The following FANCA variants were observed in gnomAD, a reference collection of about 807,000 sequenced individuals.
FANCA encodes the protein FA complementation group A.
Under a neutral mutation model 194.3 loss-of-function variants are expected in FANCA, and 236 were observed. The observed-to-expected ratio is 1.21, with a 90% CI of 1.09 to 1.35. FANCA has a LOEUF of 1.35. Ranked by LOEUF, FANCA falls within the 40% of genes most tolerant of loss-of-function variation. The probability of loss-of-function intolerance (pLI) is 0.00; values close to 1 mark genes in which losing one functional copy is unlikely to be tolerated. For missense variants in FANCA, 2,628 were observed against 1,813.9 expected (o/e 1.45, Z -8.15); for synonymous variants, 1,014 against 715.8 (o/e 1.42, Z -6.65).
intron 30 of FANCA, among the ~76,000 whole-genome samples, chr16:89,754,867 G>C (rs776236902): frequency 1.3e-5 from 2 of 152,174 alleles, no homozygotes; most frequent in East Asian, 3.8e-4. Flanking sequence ...CAGGGTCCCA[G>C]CTACTTTTGT....
chr16:89,796,270 G>A (rs1225796944), intron 10 of FANCA, among the ~76,000 whole-genome samples: 1 of 152,170 alleles, frequency 6.6e-6, no homozygotes. Flanking sequence ...GGTGGGGAAG[G>A]GCAGGCCGCG....
intron 11 of FANCA, among the ~76,000 whole-genome samples, chr16:89,795,462 C>A (rs1464041427): frequency 6.6e-6 from 1 of 151,980 alleles, no homozygotes; most frequent in South Asian, 2.1e-4. Flanking sequence ...CATGGTGAAA[C>A]CCAGTCTCTA....
At chr16:89,745,187 C>A in intron 35 of FANCA, 116 bp from the exon 36 acceptor site, 1 of 977,236 alleles carries the variant, frequency 1.0e-6, no homozygotes, top group Non-Finnish European at 1.6e-6. Flanking sequence ...CACACTCGCC[C>A]TGCGCTCTGG....
At chr16:89,805,255 A>G in intron 7 of FANCA, 25 bp downstream of exon 7, 1 of 1,577,754 alleles carries the variant, frequency 6.3e-7, no homozygotes, top group Non-Finnish European at 8.7e-7. Context: ...TTTACCCAAG[A>G]ACCCGCATCT....
intron 14 of FANCA, chr16:89,791,078 A>C (rs1221616718): frequency 9.6e-5 from 26 of 271,678 alleles, no homozygotes; most frequent in South Asian, 9.1e-4. Context: ...TATGGTGTCC[A>C]GGCTTGATTT....
rs758364302 is a variant in FANCA at position 89,752,271 on chromosome 16, T to G, written c.2982-49A>C. On this transcript the variant is annotated intron_variant, in intron 30 of 42. Transcript: ENST00000389301. Reference sequence around the variant, plus strand: ...CCTCCTCAGTATCGCCTAATAGTGCTGAAGTTCCCAGTTCTCCTCCTGCCT... The same window carrying G: ...CCTCCTCAGTATCGCCTAATAGTGCGGAAGTTCCCAGTTCTCCTCCTGCCT... 66 of 1,484,272 alleles carry G rather than the reference T, an allele frequency of 4.4e-5. No individual in the cohort carries two copies. In the South Asian group the frequency reaches 7.2e-4, roughly 16 times the overall value. The allele number at this position is 1,484,272 out of a possible 1,614,324, so 91.9% of individuals were successfully genotyped here.
Position 89,748,746 on chromosome 16 carries a change from C to CGAA in FANCA, c.3258_3260dup (p.Ser1088dup). The CGAA allele has an allele frequency of 6.2e-7, 1 of 1,613,962 alleles. No individual in the cohort carries two copies. The highest frequency in any genetic ancestry group is 1.6e-4 in the Middle Eastern group (1 of 6,062). On this transcript the variant is annotated inframe_insertion, in exon 33 of 43. Coordinates refer to ENST00000389301, the MANE Select transcript of FANCA (RefSeq NM_000135.4). ...GGAAGCTGCTGCCGCAGAGGACAGA[C>CGAA]GAAGGCAGGCGGAGGAGGATCCTGG...
At chr16:89,777,884 G>A (rs532433247) in intron 20 of FANCA, among the ~76,000 whole-genome samples, 5 of 152,032 alleles carry the variant, frequency 3.3e-5, no homozygotes, top group African/African-American at 4.8e-5. Context: ...TGATGCAGCC[G>A]GGTGCGGTAG....
In FANCA at chr16:89,790,141, C is replaced by A. The variant is rs1208109694; in HGVS notation, c.1359+1262G>T. ...GCAAGGCTGGGCACGGTGGCTCATGCCTGTAATCCCTGCACTTTGGGAGGC... is the reference window on the plus strand; with the variant it reads ...GCAAGGCTGGGCACGGTGGCTCATGACTGTAATCCCTGCACTTTGGGAGGC... On this transcript the variant is annotated intron_variant, in intron 14 of 42. Coordinates refer to ENST00000389301, the MANE Select transcript of FANCA (RefSeq NM_000135.4). 2.6e-5 allele frequency among the ~76,000 whole-genome samples: 4 copies of A among 152,320 alleles called. No individual in the cohort carries two copies. The East Asian group carries it at 5.8e-4, about 22-fold the overall frequency.
chr16:89,795,944 G>T lies in FANCA; in HGVS notation c.968C>A (p.Thr323Asn). ...GCTGTGAGTGAGTATCTGAGTCAGG[G>T]TATGACTGAAGAACCTCTTCAGAGG... ...TDPLKRFFSH[T>N]LTQILTHSPV... Residue 323 changes from threonine (T) to asparagine (N), a missense_variant, in exon 11 of 43, where the codon ACC becomes AAC. Thr to Asn is a moderately conservative substitution (Grantham distance 65). Transcript: ENST00000389301. The T allele has an allele frequency of 6.2e-7, 1 of 1,614,110 alleles. No individual in the cohort carries two copies. The highest frequency in any genetic ancestry group is 1.1e-5 in the South Asian group (1 of 91,088).
chr16:89,761,712 C>T (rs554779586), intron 29 of FANCA, among the ~76,000 whole-genome samples: 1 of 152,266 alleles, frequency 6.6e-6, no homozygotes, highest in East Asian at 1.9e-4. Flanking sequence ...GCAGCCTCTA[C>T]CTCCCAGGCT....
At chr16:89,739,653 T>G (rs980325952) in intron 39 of FANCA, 100 bp from the exon 40 acceptor site, 4 of 1,510,126 alleles carry the variant, frequency 2.6e-6, no homozygotes, top group Non-Finnish European at 1.8e-6. Context: ...CTGGGAGGCC[T>G]GGCTGTGGGG....
rs139944072 is a variant in FANCA at position 89,791,535 on chromosome 16, G to A, written c.1227C>T (p.Asp409=). The A allele has an allele frequency of 1.4e-5, 22 of 1,614,054 alleles. No individual in the cohort carries two copies. In the African/African-American group the frequency reaches 2.4e-4, roughly 18 times the overall value. The change falls in exon 14 of 43, where the codon GAC becomes GAT. Residue 409 remains aspartate (D), a splice_region_variant and synonymous_variant. Coordinates refer to ENST00000389301, the MANE Select transcript of FANCA (RefSeq NM_000135.4). ...CCTGGGCCATCAAACGCGCCACCCAGTCTAGTTAAGAACCATGACATAGTC... is the reference window on the plus strand; with the variant it reads ...CCTGGGCCATCAAACGCGCCACCCAATCTAGTTAAGAACCATGACATAGTC... ...CFPEAQQLLE[D]WVARLMAQAF...
At chr16:89,811,460 G>A (rs1387592631) in intron 3 of FANCA, among the ~76,000 whole-genome samples, 3 of 152,178 alleles carry the variant, frequency 2.0e-5, no homozygotes, top group South Asian at 2.1e-4. Context: ...AGATAAGCCT[G>A]CCCCTGTTGA....
At chr16:89,771,500 T>C (rs2039324185) in intron 23 of FANCA, among the ~76,000 whole-genome samples, 178 bp downstream of exon 23, 1 of 152,084 alleles carries the variant, frequency 6.6e-6, no homozygotes, top group South Asian at 2.1e-4. Flanking sequence ...GAGCTCTTCA[T>C]ACACAAACAG....
Position 89,792,083 on chromosome 16 carries a change from T to A in FANCA, c.1084-15A>T. 6.2e-7 allele frequency: 1 copy of A among 1,614,132 alleles called. No individual in the cohort carries two copies. Among genetic ancestry groups the A allele is most frequent in the Non-Finnish European group, 8.5e-7 (1 of 1,180,002 alleles). On this transcript the variant is annotated splice_polypyrimidine_tract_variant and intron_variant, in intron 12 of 42. Coordinates refer to ENST00000389301, the MANE Select transcript of FANCA (RefSeq NM_000135.4). ...ATCACAAAGAGCTGAAATAAAAGCA[T>A]CCGCTCCCTTCAATATCCAAGCAAA...
At chr16:89,764,794 A>G in intron 28 of FANCA, 96 bp downstream of exon 28, 1 of 1,419,746 alleles carries the variant, frequency 7.0e-7, no homozygotes. Context: ...CAGGGGAAGG[A>G]ACGGTCACCT....
intron 20 of FANCA, among the ~76,000 whole-genome samples, chr16:89,778,184 C>G (rs2039576632): frequency 7.5e-6 from 1 of 133,982 alleles, no homozygotes. Flanking sequence ...AAAAAAAGGC[C>G]AGGAGCGGTG....
At chr16:89,816,264 C>A in intron 1 of FANCA, 1 of 304,604 alleles carries the variant, frequency 3.3e-6, no homozygotes. Flanking sequence ...CCGCGCACCC[C>A]AGGCCCGCCT....
Sources: gnomAD v4.1 joint callset for allele counts (sites outside exome capture counted in the v4.1 genomes callset) on GRCh38, gnomAD v4.1.1 for gene constraint, MANE v1.5 for transcripts, NCBI Gene and HGNC (gene_info 2026-07-23, HGNC 2026-07-21) for gene names.